The following SRSF6 variants were observed in gnomAD, a reference collection of about 807,000 sequenced individuals.
The protein encoded by SRSF6 is serine and arginine rich splicing factor 6.
In SRSF6, 17 loss-of-function variants were observed where a neutral mutation model predicts 42.0. That is an observed-to-expected ratio of 0.40 (90% CI 0.28 to 0.61). SRSF6 has a LOEUF of 0.61. SRSF6 is among the 20% of genes least tolerant of loss of function. SRSF6 has a pLI of 0.37. For synonymous variants in SRSF6, 204 were observed against 166.7 expected (o/e 1.22, Z -1.72); for missense variants, 379 against 471.4 (o/e 0.80, Z 1.81).
Position 43,461,339 on chromosome 20 carries a change from T to TTTTTTTTG in SRSF6, c.*283_*284insGTTTTTTT, listed in dbSNP as rs2017591595. On this transcript the variant is annotated 3_prime_UTR_variant, in exon 6 of 6. Coordinates refer to ENST00000244020, the MANE Select transcript of SRSF6 (RefSeq NM_006275.6). ...AAAGATTAAGCTCATTTAGTGTTGT[T>TTTTTTTTG]TTTTTTTTTTTTTTTTTTTTTTTTT... The TTTTTTTTG allele has an allele frequency of 5.5e-5, 1 of 18,142 alleles. No homozygotes were observed. Among genetic ancestry groups the TTTTTTTTG allele is most frequent in the South Asian group, 1.2e-3 (1 of 832 alleles). The allele number at this position is 18,142 out of a possible 1,614,324, so 1.1% of individuals were successfully genotyped here.
chr20:43,461,109 T>C lies in SRSF6; in HGVS notation c.*46T>C. On this transcript the variant is annotated 3_prime_UTR_variant, in exon 6 of 6. Coordinates refer to ENST00000244020, the MANE Select transcript of SRSF6 (RefSeq NM_006275.6). ...CATTATTATGGAACACTTTCCTACT[T>C]AGGCAGTTACTCTTCCATGTTTATA... is the stretch of plus-strand genomic sequence containing the variant. 6.6e-7 allele frequency: 1 copy of C among 1,510,772 alleles called. No individual in the cohort carries two copies. Among genetic ancestry groups the C allele is most frequent in the Non-Finnish European group, 8.8e-7 (1 of 1,131,396 alleles). The allele number at this position is 1,510,772 out of a possible 1,614,324, so 93.6% of individuals were successfully genotyped here. A position where few individuals can be genotyped will look rare whatever the true frequency, so the allele number is the denominator to read the frequency against.
At position 43,457,944 on chromosome 20, in the gene SRSF6, G is replaced by T; in HGVS notation, c.-90G>T. The T allele has an allele frequency of 9.1e-7, 1 of 1,103,190 alleles. No individual in the cohort carries two copies. The highest frequency in any genetic ancestry group is 1.3e-5 in the South Asian group (1 of 74,974). The allele number at this position is 1,103,190 out of a possible 1,614,324, so 68.3% of individuals were successfully genotyped here. Reference sequence around the variant, plus strand: ...CCCTGTGGTGTGAGGCGCGTGTTCGGGCTCTTGCCGTCCCCGCACCCGCAC... The same window carrying T: ...CCCTGTGGTGTGAGGCGCGTGTTCGTGCTCTTGCCGTCCCCGCACCCGCAC... On this transcript the variant is annotated 5_prime_UTR_variant, in exon 1 of 6. Coordinates refer to ENST00000244020, the MANE Select transcript of SRSF6 (RefSeq NM_006275.6).
chr20:43,457,920 C>T lies in SRSF6; in HGVS notation c.-114C>T, dbSNP rs933253983. On this transcript the variant is annotated 5_prime_UTR_variant, in exon 1 of 6. Transcript: ENST00000244020. Reference sequence around the variant, plus strand: ...CATTGTGTGGCTGGACTCGGCCGCCCCTGTGGTGTGAGGCGCGTGTTCGGG... The same window carrying T: ...CATTGTGTGGCTGGACTCGGCCGCCTCTGTGGTGTGAGGCGCGTGTTCGGG... The T allele has an allele frequency of 8.1e-6, 7 of 862,742 alleles. No individual in the cohort carries two copies. The highest frequency in any genetic ancestry group is 6.1e-5 in the South Asian group (4 of 65,456). The allele number at this position is 862,742 out of a possible 1,614,324, so 53.4% of individuals were successfully genotyped here.
intron 4 of SRSF6, 48 bp from the exon 5 acceptor site, chr20:43,460,467 T>C: frequency 6.3e-7 from 1 of 1,584,136 alleles, no homozygotes; most frequent in South Asian, 1.1e-5. Flanking sequence ...GGCACGGATG[T>C]ATTTAAGTTG....
At chr20:43,458,566 T>TGGGGCG in intron 2 of SRSF6, 57 bp downstream of exon 2, 1 of 1,404,120 alleles carries the variant, frequency 7.1e-7, no homozygotes, top group Non-Finnish European at 9.2e-7. Context: ...CGGGGGTGGG[T>TGGGGCG]GGGGTGGGGC....
At chr20:43,458,188 G>C (rs767225897) in intron 1 of SRSF6, 48 bp downstream of exon 1, 4 of 1,579,012 alleles carry the variant, frequency 2.5e-6, no homozygotes, top group Middle Eastern at 1.7e-4. Flanking sequence ...GCCTGGTGGC[G>C]GCGGGAACTC....
Position 43,463,150 on chromosome 20 carries a change from A to T in SRSF6, c.*2087A>T, listed in dbSNP as rs2017632847. On this transcript the variant is annotated 3_prime_UTR_variant, in exon 6 of 6. Transcript: ENST00000244020. ...TGGTTTGACTATATTGTTAGCTGCC[A>T]CAGTAAGCAGGTCATTGTATAGGTA... 6.5e-6 allele frequency: 1 copy of T among 154,036 alleles called. No homozygotes were observed. Among genetic ancestry groups the T allele is most frequent in the South Asian group, 2.0e-4 (1 of 4,892 alleles). The allele number at this position is 154,036 out of a possible 1,614,324, so 9.5% of individuals were successfully genotyped here. A position where few individuals can be genotyped will look rare whatever the true frequency, so the allele number is the denominator to read the frequency against.
rs779300649 is a variant in SRSF6, at chr20:43,459,158, A to C, written c.257-613A>C. ...TTGATGTTTCAATTTGAAAGTGACC[A>C]ATGGGGCTGAGGCTGTGTCCACTGA... On this transcript the variant is annotated intron_variant, in intron 2 of 5. Coordinates refer to ENST00000244020, the MANE Select transcript of SRSF6 (RefSeq NM_006275.6). 3 of 1,352,032 alleles carry C rather than the reference A, an allele frequency of 2.2e-6. No individual in the cohort carries two copies. The East Asian group carries it at 1.4e-4, about 61-fold the overall frequency. The allele number at this position is 1,352,032 out of a possible 1,614,324, so 83.8% of individuals were successfully genotyped here. A position where few individuals can be genotyped will look rare whatever the true frequency, so the allele number is the denominator to read the frequency against.
At chr20:43,459,274 A>G in intron 2 of SRSF6, 1 of 1,352,166 alleles carries the variant, frequency 7.4e-7, no homozygotes, top group Non-Finnish European at 9.8e-7. Context: ...CCTTACCGGA[A>G]GCCATGACGA....
chr20:43,461,347 T>G lies in SRSF6; in HGVS notation c.*284T>G, dbSNP rs796381481. On this transcript the variant is annotated 3_prime_UTR_variant, in exon 6 of 6. Transcript: ENST00000244020. ...AGCTCATTTAGTGTTGTTTTTTTTT[T>G]TTTTTTTTTTTTTTTTTTTTTTTTT... is the stretch of plus-strand genomic sequence containing the variant. The G allele has an allele frequency of 3.0e-3, 217 of 71,698 alleles. 3 individuals are homozygous for G. In the South Asian group the frequency reaches 0.037, roughly 12 times the overall value. 4.4% of individuals were successfully genotyped at this position (71,698 alleles called of 1,614,324 possible).
rs2017554327 is a variant in SRSF6 at position 43,459,790 on chromosome 20, C to T, written c.276C>T (p.Ser92=). The T allele has an allele frequency of 6.2e-7, 1 of 1,613,164 alleles. No homozygotes were observed. Among genetic ancestry groups the T allele is most frequent in the Non-Finnish European group, 8.5e-7 (1 of 1,180,038 alleles). The change falls in exon 3 of 6, where the codon AGC becomes AGT. Residue 92 remains serine, a synonymous_variant. Coordinates refer to ENST00000244020, the MANE Select transcript of SRSF6 (RefSeq NM_006275.6). ...YGSRSGGGGY[S]SRRTSGRDKY... ...ATAAAGGTGGTGGAGGTGGATACAG[C>T]AGTCGGAGAACATCTGGCAGAGACA... is the stretch of plus-strand genomic sequence containing the variant.
chr20:43,458,780 C>G (rs1449939892), intron 2 of SRSF6, among the ~76,000 whole-genome samples: 1 of 150,608 alleles, frequency 6.6e-6, no homozygotes, highest in African/African-American at 2.4e-5. Flanking sequence ...GTTCTTCCCA[C>G]AGAGGAAGTA....
Position 43,463,887 on chromosome 20 carries a change from T to G in SRSF6, c.*2824T>G, listed in dbSNP as rs577993591. The G allele has an allele frequency of 6.6e-6, 1 of 152,358 alleles. No individual in the cohort carries two copies. The highest frequency in any genetic ancestry group is 2.4e-5 in the African/African-American group (1 of 41,598). 9.4% of individuals were successfully genotyped at this position (152,358 alleles called of 1,614,324 possible). ...ATATGAACAGTACAAGAGAGTACCA[T>G]AACAAATACAATTTTATTTACAAAT... On this transcript the variant is annotated 3_prime_UTR_variant, in exon 6 of 6. Coordinates refer to ENST00000244020, the MANE Select transcript of SRSF6 (RefSeq NM_006275.6).
Position 43,458,182 on chromosome 20 carries a change from G to C in SRSF6, c.107+42G>C, listed in dbSNP as rs1015609836. On this transcript the variant is annotated intron_variant, in intron 1 of 5. Transcript: ENST00000244020. ...CGCCCGCGCCCAGCGTCCCAGGCCTGGTGGCGGCGGGAACTCTCCAAGGAA... is the reference window on the plus strand; with the variant it reads ...CGCCCGCGCCCAGCGTCCCAGGCCTCGTGGCGGCGGGAACTCTCCAAGGAA... 6.9e-6 allele frequency: 11 copies of C among 1,586,286 alleles called. No individual in the cohort carries two copies. In the African/African-American group the frequency reaches 8.2e-5, roughly 12 times the overall value.
intron 2 of SRSF6, 33 bp downstream of exon 2, chr20:43,458,542 G>A: frequency 6.9e-7 from 1 of 1,453,918 alleles, no homozygotes; most frequent in Non-Finnish European, 9.0e-7. Context: ...CCGCGCCCTT[G>A]GGGACCCTGG....
rs368399955 is a variant in SRSF6 at position 43,460,252 on chromosome 20, G to A, written c.590+11G>A. On this transcript the variant is annotated intron_variant, in intron 4 of 5. Coordinates refer to ENST00000244020, the MANE Select transcript of SRSF6 (RefSeq NM_006275.6). ...TGGAAGCAGATCCAGGTAACTTGTT[G>A]AAGGACACTGTGGGAAGGAAACAAT... 21 of 1,613,490 alleles carry A rather than the reference G, an allele frequency of 1.3e-5. No homozygotes were observed. The highest frequency in any genetic ancestry group is 2.2e-5 in the East Asian group (1 of 44,898).
rs2017554804 is a variant in SRSF6 at position 43,459,829 on chromosome 20, T to C, written c.315T>C (p.Pro105=). The part of the protein sequence containing the change: ...RTSGRDKYGP[P]VRTEYRLIVE... The stretch of plus-strand genomic sequence containing the variant: ...CTGGCAGAGACAAATACGGACCACC[T>C]GTTCGTACAGAATACAGGCTTATTG... The change falls in exon 3 of 6, where the codon CCT becomes CCC. Residue 105 remains proline, a synonymous_variant. Coordinates refer to ENST00000244020, the MANE Select transcript of SRSF6 (RefSeq NM_006275.6). 1 of 1,614,004 alleles carries C rather than the reference T, an allele frequency of 6.2e-7. No homozygotes were observed. Among genetic ancestry groups the C allele is most frequent in the Non-Finnish European group, 8.5e-7 (1 of 1,180,000 alleles).
At position 43,460,972 on chromosome 20, in the gene SRSF6, T is replaced by C; in HGVS notation, c.944T>C (p.Val315Ala). The change falls in exon 6 of 6, where the codon GTG becomes GCG. Residue 315 changes from valine to alanine, a missense_variant. By Grantham distance (64) the Val-to-Ala change is moderately conservative (BLOSUM62 0). This residue lies in a region of SRSF6 where 219 missense variants were observed against 216.1 expected (regional missense o/e 1.01). Transcript: ENST00000244020. ...LPVPPSKARSVSPPPKRATSR... is the reference protein window; with the variant it reads ...LPVPPSKARSASPPPKRATSR... ...GTTCCACCCTCAAAGGCCCGTTCTGTGTCCCCTCCACCAAAAAGAGCTACT... is the reference window on the plus strand; with the variant it reads ...GTTCCACCCTCAAAGGCCCGTTCTGCGTCCCCTCCACCAAAAAGAGCTACT... The C allele has an allele frequency of 1.9e-6, 3 of 1,614,122 alleles. No individual in the cohort carries two copies. The highest frequency in any genetic ancestry group is 1.1e-5 in the South Asian group (1 of 91,082).
At position 43,460,008 on chromosome 20, in the gene SRSF6, GAGTCTGACCAA is replaced by G. The variant is rs754913601; in HGVS notation, c.382-24_382-14del. On this transcript the variant is annotated splice_polypyrimidine_tract_variant and intron_variant, in intron 3 of 5. Coordinates refer to ENST00000244020, the MANE Select transcript of SRSF6 (RefSeq NM_006275.6). ...GGTATATAGATGTTTTAAGATTTCCGAGTCTGACCAATCTTGTCTTTCAGGATTTTATGCGA... is the reference window on the plus strand; with the variant it reads ...GGTATATAGATGTTTTAAGATTTCCGTCTTGTCTTTCAGGATTTTATGCGA... The G allele has an allele frequency of 3.7e-6, 6 of 1,613,840 alleles. No homozygotes were observed. The highest frequency in any genetic ancestry group is 5.1e-6 in the Non-Finnish European group (6 of 1,179,838).
Sources: gnomAD v4.1 joint callset for allele counts (sites outside exome capture counted in the v4.1 genomes callset) on GRCh38, gnomAD v4.1.1 for gene constraint, gnomAD v4.1.1 regional missense constraint, MANE v1.5 for transcripts, NCBI Gene and HGNC (gene_info 2026-07-23, HGNC 2026-07-21) for gene names.